PTPRZ1: variants seen among roughly 807,000 people sequenced by gnomAD.
The protein encoded by PTPRZ1 is receptor-type tyrosine-protein phosphatase zeta.
In PTPRZ1, 82 loss-of-function variants were observed where a neutral mutation model predicts 214.1. The observed-to-expected ratio is 0.38, with a 90% CI of 0.32 to 0.46. PTPRZ1 has a LOEUF of 0.46. Ranked by LOEUF, PTPRZ1 falls within the 20% of genes least tolerant of loss-of-function variation. PTPRZ1 has a pLI of 1.00. For synonymous variants in PTPRZ1, 945 were observed against 987.9 expected (o/e 0.96, Z 0.81); for missense variants, 2,603 against 2,748.7 (o/e 0.95, Z 1.19).
chr7:122,010,808 G>A lies in PTPRZ1; in HGVS notation c.1762G>A (p.Gly588Ser), dbSNP rs1200526110. The A allele has an allele frequency of 1.9e-6, 3 of 1,613,780 alleles. No homozygotes were observed. In the African/African-American group the frequency reaches 4.0e-5, roughly 22 times the overall value. ...KLDTGAEDSS[G>S]SSPATSAIPF... ...TGATACTGGAGCTGAAGATTCTTCA[G>A]GCTCCAGTCCCGCAACTTCTGCTAT... The change falls in exon 12 of 30, where the codon GGC becomes AGC. Residue 588 changes from glycine to serine, a missense_variant. This residue lies in a region of PTPRZ1 where 1,913 missense variants were observed against 1,914.3 expected (regional missense o/e 1.00). Coordinates refer to ENST00000393386, the MANE Select transcript of PTPRZ1 (RefSeq NM_002851.3).
intron 2 of PTPRZ1, among the ~76,000 whole-genome samples, chr7:121,951,254 G>T (rs576502771): frequency 3.3e-5 from 5 of 152,318 alleles, no homozygotes; most frequent in African/African-American, 1.2e-4. Context: ...GGATACTGCT[G>T]TCTTCTTGGA....
intron 2 of PTPRZ1, among the ~76,000 whole-genome samples, chr7:121,941,355 T>C (rs1796235829): frequency 6.6e-6 from 1 of 152,232 alleles, no homozygotes; most frequent in Admixed American, 6.5e-5. Context: ...TGTTTTTGTG[T>C]TGTTTAAGTG....
chr7:121,903,123 T>C (rs1410785214), intron 1 of PTPRZ1, among the ~76,000 whole-genome samples: 9 of 152,220 alleles, frequency 5.9e-5, no homozygotes, highest in African/African-American at 2.2e-4. Context: ...GTTGCTTGCA[T>C]AGAATACTGC....
intron 12 of PTPRZ1, among the ~76,000 whole-genome samples, chr7:122,017,245 A>G (rs1034677230): frequency 3.9e-5 from 6 of 152,182 alleles, no homozygotes; most frequent in African/African-American, 1.4e-4. Flanking sequence ...GGAAATGCTC[A>G]TTGCATTCAC....
intron 1 of PTPRZ1, among the ~76,000 whole-genome samples, chr7:121,915,612 T>A (rs1357483042): frequency 1.3e-5 from 2 of 152,314 alleles, no homozygotes; most frequent in Non-Finnish European, 1.5e-5. Flanking sequence ...TGGTTTGTGA[T>A]CCGCTTGAAC....
At chr7:121,943,629 C>A (rs899726544) in intron 2 of PTPRZ1, among the ~76,000 whole-genome samples, 2 of 152,174 alleles carry the variant, frequency 1.3e-5, no homozygotes, top group African/African-American at 2.4e-5. Context: ...TGAGCCACTG[C>A]GCCCGGCCAA....
Position 122,051,538 on chromosome 7 carries a change from C to T in PTPRZ1, c.6178+17C>T. 1 of 1,587,540 alleles carries T rather than the reference C, an allele frequency of 6.3e-7. No homozygotes were observed. The highest frequency in any genetic ancestry group is 2.2e-5 in the East Asian group (1 of 44,714). On this transcript the variant is annotated intron_variant, in intron 24 of 29. Coordinates refer to ENST00000393386, the MANE Select transcript of PTPRZ1 (RefSeq NM_002851.3). Reference sequence around the variant, plus strand: ...TCATCCCTGGTAAGTTGTGTTGATCCTTGAAAAAACAACTTTTTTAAAATA... The same window carrying T: ...TCATCCCTGGTAAGTTGTGTTGATCTTTGAAAAAACAACTTTTTTAAAATA...
intron 1 of PTPRZ1, among the ~76,000 whole-genome samples, chr7:121,900,835 A>G (rs1175892238): frequency 6.6e-6 from 1 of 152,184 alleles, no homozygotes; most frequent in Non-Finnish European, 1.5e-5. Context: ...CTCTACCTTC[A>G]AAGTCTAATA....
intron 2 of PTPRZ1, among the ~76,000 whole-genome samples, chr7:121,930,628 A>G: frequency 6.6e-6 from 1 of 152,174 alleles, no homozygotes; most frequent in South Asian, 2.1e-4. Context: ...TCAAAAATGG[A>G]GTCTAAATTT....
At position 122,045,030 on chromosome 7, in the gene PTPRZ1, C is replaced by A. The variant is rs557259509; in HGVS notation, c.6084+462C>A. 2.0e-5 allele frequency among the ~76,000 whole-genome samples: 3 copies of A among 152,220 alleles called. No homozygotes were observed. In the South Asian group the frequency reaches 6.2e-4, roughly 32 times the overall value. On this transcript the variant is annotated intron_variant, in intron 23 of 29. Coordinates refer to ENST00000393386, the MANE Select transcript of PTPRZ1 (RefSeq NM_002851.3). ...CACACTGGAATAATAGCTTCTTCAA[C>A]CCCAGTTTCTCCCCCTCACCCTGTC... is the stretch of plus-strand genomic sequence containing the variant.
At chr7:121,894,224 C>T (rs1794721159) in intron 1 of PTPRZ1, among the ~76,000 whole-genome samples, 1 of 152,178 alleles carries the variant, frequency 6.6e-6, no homozygotes, top group Non-Finnish European at 1.5e-5. Flanking sequence ...TGCCAAAACC[C>T]TTCCCAGCAT....
At chr7:121,955,346 G>C (rs909617589) in intron 2 of PTPRZ1, among the ~76,000 whole-genome samples, 1 of 152,222 alleles carries the variant, frequency 6.6e-6, no homozygotes, top group African/African-American at 2.4e-5. Flanking sequence ...GAGGGCTTAT[G>C]ATGACCCTAA....
intron 10 of PTPRZ1, among the ~76,000 whole-genome samples, chr7:122,000,671 A>ATG (rs1798293500): frequency 1.1e-5 from 1 of 87,876 alleles, no homozygotes; most frequent in African/African-American, 5.0e-5. Flanking sequence ...ATATATATAT[A>ATG]TATATATATA....
At chr7:122,036,016 C>T (rs1258420572) in intron 17 of PTPRZ1, among the ~76,000 whole-genome samples, 4 of 152,214 alleles carry the variant, frequency 2.6e-5, no homozygotes, top group Non-Finnish European at 5.9e-5. Flanking sequence ...GCTTGAGCAG[C>T]TGTTCTCCTG....
At chr7:121,951,441 A>C (rs1220436452) in intron 2 of PTPRZ1, among the ~76,000 whole-genome samples, 1 of 152,236 alleles carries the variant, frequency 6.6e-6, no homozygotes, top group Non-Finnish European at 1.5e-5. Context: ...AACACCTTTC[A>C]GAAGTGTGGT....
chr7:121,888,978 A>G (rs1310884577), intron 1 of PTPRZ1, among the ~76,000 whole-genome samples: 1 of 152,146 alleles, frequency 6.6e-6, no homozygotes, highest in African/African-American at 2.4e-5. Context: ...ATTTGGATAA[A>G]TCAGGTTTTA....
chr7:122,031,564 G>T lies in PTPRZ1; in HGVS notation c.5166+5G>T. On this transcript the variant is annotated splice_donor_5th_base_variant and intron_variant, in intron 15 of 29. Coordinates refer to ENST00000393386, the MANE Select transcript of PTPRZ1 (RefSeq NM_002851.3). ...GGGTTTACTGAAGAATTTGAGGTAT[G>T]ATTTTAATATGTCTATTTTAAATAA... The T allele has an allele frequency of 6.4e-7, 1 of 1,573,192 alleles. No individual in the cohort carries two copies. The highest frequency in any genetic ancestry group is 1.4e-5 in the African/African-American group (1 of 74,018).
At chr7:121,988,754 A>G (rs1797846962) in intron 8 of PTPRZ1, among the ~76,000 whole-genome samples, 2 of 152,234 alleles carry the variant, frequency 1.3e-5, no homozygotes, top group African/African-American at 4.8e-5. Flanking sequence ...GGGGTTAAAA[A>G]GAGCATATGT....
chr7:121,881,827 T>A (rs977250708), intron 1 of PTPRZ1, among the ~76,000 whole-genome samples: 12 of 152,202 alleles, frequency 7.9e-5, no homozygotes, highest in Non-Finnish European at 2.9e-5. Context: ...AGATGGGGAC[T>A]CCAAGTGACA....
Sources: allele counts gnomAD v4.1 joint callset (sites outside exome capture counted in the v4.1 genomes callset), GRCh38; gene constraint gnomAD v4.1.1; regional missense constraint gnomAD v4.1.1; transcripts MANE v1.5; gene names NCBI Gene and HGNC (gene_info 2026-07-23, HGNC 2026-07-21).